Variants in CBR4 observed in about 807,000 individuals in gnomAD.
CBR4 encodes the protein 3-oxoacyl-[acyl-carrier-protein] reductase.
A neutral mutation model predicts 21.0 loss-of-function variants in CBR4; 22 were observed. The observed-to-expected ratio is 1.05, with a 90% CI of 0.75 to 1.50. The LOEUF is 1.50. Among genes scored for constraint, CBR4 ranks in the 40% most tolerant of loss-of-function variants. CBR4 has a pLI of 0.00. For synonymous variants in CBR4, 100 were observed against 104.4 expected (o/e 0.96, Z 0.26); for missense variants, 302 against 286.3 (o/e 1.05, Z -0.40).
Position 168,988,639 on chromosome 4 carries a change from G to C in CBR4, c.*1511C>G. 1.0e-6 allele frequency: 1 copy of C among 985,018 alleles called. No individual in the cohort carries two copies. The highest frequency in any genetic ancestry group is 1.1e-4 in the East Asian group (1 of 8,816). 61.0% of individuals were successfully genotyped at this position (985,018 alleles called of 1,614,324 possible). A position where few individuals can be genotyped will look rare whatever the true frequency, so the allele number is the denominator to read the frequency against. ...CCTATATGTGCCTAGACTTGGTAAT[G>C]CCTGATAAATTCTGTATATTACCAC... is the stretch of plus-strand genomic sequence containing the variant. On this transcript the variant is annotated 3_prime_UTR_variant, in exon 5 of 5. Coordinates refer to ENST00000306193, the MANE Select transcript of CBR4 (RefSeq NM_032783.5).
intron 2 of CBR4, among the ~76,000 whole-genome samples, chr4:168,955,334 T>A (rs138642192): frequency 9.4e-4 from 143 of 152,344 alleles, no homozygotes; most frequent in African/African-American, 3.2e-3. Flanking sequence ...AAAGTGATTC[T>A]CTTTGAGAAA....
At chr4:168,930,109 C>T (rs1336778250) in intron 2 of CBR4, among the ~76,000 whole-genome samples, 1 of 152,124 alleles carries the variant, frequency 6.6e-6, no homozygotes, top group Non-Finnish European at 1.5e-5. Context: ...TTCAGCATTA[C>T]TTCAAAATTA....
intron 2 of CBR4, among the ~76,000 whole-genome samples, chr4:168,974,409 A>C (rs1764307793): frequency 6.6e-6 from 1 of 152,198 alleles, no homozygotes; most frequent in Admixed American, 6.5e-5. Flanking sequence ...TTTGTGAAGA[A>C]TTTTCCAGGT....
At chr4:168,965,161 T>C (rs1763981485) in intron 2 of CBR4, among the ~76,000 whole-genome samples, 1 of 152,082 alleles carries the variant, frequency 6.6e-6, no homozygotes, top group Non-Finnish European at 1.5e-5. Flanking sequence ...TCACAATTAC[T>C]ACAAAGAGAA....
At chr4:168,950,278 G>A (rs2331512) in intron 2 of CBR4, among the ~76,000 whole-genome samples, 105,703 of 152,032 alleles carry the variant, frequency 0.7, 38,198 homozygotes, top group East Asian at 0.96. Flanking sequence ...CGCCTTTGCC[G>A]TATCCCAGAG....
At chr4:168,969,262 C>G (rs1401269540) in intron 2 of CBR4, among the ~76,000 whole-genome samples, 1 of 152,118 alleles carries the variant, frequency 6.6e-6, no homozygotes, top group African/African-American at 2.4e-5. Flanking sequence ...GGAGACCCTT[C>G]AATTGATTAG....
At chr4:168,913,852 G>T in intron 2 of CBR4, 1 of 951,706 alleles carries the variant, frequency 1.1e-6, no homozygotes, top group South Asian at 1.3e-5. Context: ...ATAGAGAATA[G>T]GACAGTAGGC....
rs935926036 is a variant in CBR4, at chr4:168,988,420, G to A, written c.*1730C>T. The A allele has an allele frequency of 1.0e-5, 10 of 985,198 alleles. No homozygotes were observed. The highest frequency in any genetic ancestry group is 1.1e-4 in the East Asian group (1 of 8,826). 61.0% of individuals were successfully genotyped at this position (985,198 alleles called of 1,614,324 possible). The stretch of plus-strand genomic sequence containing the variant: ...CCAAATCACCAATTGAATCAGCCTC[G>A]CTCATGATTTCAGAGCATAAGGTGT... On this transcript the variant is annotated 3_prime_UTR_variant, in exon 5 of 5. Transcript: ENST00000306193.
downstream of CBR4, among the ~76,000 whole-genome samples, chr4:168,983,903 A>C (rs1359687668): frequency 2.6e-5 from 4 of 152,098 alleles, no homozygotes; most frequent in Non-Finnish European, 5.9e-5. Context: ...TTAAAGGTAC[A>C]TACCTCAAAA....
intron 2 of CBR4, among the ~76,000 whole-genome samples, chr4:168,918,126 G>A (rs932915947): frequency 3.3e-5 from 5 of 151,498 alleles, no homozygotes; most frequent in Non-Finnish European, 7.4e-5. Flanking sequence ...TTGAACCTGG[G>A]AGGCAGAGGT....
intron 2 of CBR4, among the ~76,000 whole-genome samples, chr4:168,979,481 C>T (rs547130924): frequency 6.6e-6 from 1 of 152,338 alleles, no homozygotes; most frequent in African/African-American, 2.4e-5. Context: ...CCACCCAGCC[C>T]CCGCCTGATC....
At chr4:168,957,087 G>C (rs1375260053) in intron 2 of CBR4, among the ~76,000 whole-genome samples, 1 of 152,118 alleles carries the variant, frequency 6.6e-6, no homozygotes, top group Non-Finnish European at 1.5e-5. Context: ...CAGCTAAAGT[G>C]ATTTAAAGAT....
At chr4:169,003,557 A>G (rs1324534143) in intron 3 of CBR4, among the ~76,000 whole-genome samples, 1 of 152,240 alleles carries the variant, frequency 6.6e-6, no homozygotes, top group African/African-American at 2.4e-5. Flanking sequence ...GCAGGGATTG[A>G]GAGGAGTGGC....
At chr4:168,981,345 G>C (rs1764540393) in intron 2 of CBR4, among the ~76,000 whole-genome samples, 1 of 152,136 alleles carries the variant, frequency 6.6e-6, no homozygotes, top group African/African-American at 2.4e-5. Context: ...GTAGCAGTGA[G>C]CCGAGATCGC....
At chr4:169,008,994 A>T in intron 1 of CBR4, 1 of 455,558 alleles carries the variant, frequency 2.2e-6, no homozygotes, top group Non-Finnish European at 4.4e-6. Flanking sequence ...TGAGGCGAGA[A>T]GATCTCTAGA....
In CBR4 at chr4:168,956,950, A is replaced by G. The variant is rs118177711; in HGVS notation, n.169+45121T>C. On this transcript the variant is annotated intron_variant and non_coding_transcript_variant, in intron 2 of 3. Transcript: ENST00000509108. ...TAACATAATCACCTTATAGTAGATG[A>G]GTAGTATAAGACATCACTCAAAATT... 1.6e-3 allele frequency among the ~76,000 whole-genome samples: 238 copies of G among 152,360 alleles called. 3 individuals carry two copies. In the East Asian group the frequency reaches 0.029, roughly 19 times the overall value.
chr4:168,956,887 G>T (rs1252636591), intron 2 of CBR4, among the ~76,000 whole-genome samples: 1 of 152,222 alleles, frequency 6.6e-6, no homozygotes. Flanking sequence ...ACCCTATACT[G>T]AGATGTTTCA....
intron 1 of CBR4, among the ~76,000 whole-genome samples, chr4:169,009,576 C>T (rs1039026379): frequency 3.3e-5 from 5 of 152,234 alleles, no homozygotes; most frequent in African/African-American, 1.2e-4. Context: ...GAGAACTCGC[C>T]CTTTTCCCTA....
At chr4:168,896,134 C>T (rs755629008) in intron 2 of CBR4, among the ~76,000 whole-genome samples, 5 of 150,242 alleles carry the variant, frequency 3.3e-5, no homozygotes, top group South Asian at 2.1e-4. Flanking sequence ...CGCTTGAACC[C>T]AGGAGACAGA....
Sources: allele counts gnomAD v4.1 joint callset (sites outside exome capture counted in the v4.1 genomes callset), GRCh38; gene constraint gnomAD v4.1.1; transcripts MANE v1.5; gene names NCBI Gene and HGNC (gene_info 2026-07-23, HGNC 2026-07-21).